The following CLYBL variants were observed in gnomAD, a reference collection of about 807,000 sequenced individuals.
The protein encoded by CLYBL is citramalyl-CoA lyase, also known as citramalyl-CoA lyase, mitochondrial.
In CLYBL, 31 loss-of-function variants were observed where a neutral mutation model predicts 38.9. The observed-to-expected ratio is 0.80, with a 90% CI of 0.60 to 1.08. The LOEUF (loss-of-function observed/expected upper bound fraction) is 1.08. Ranked by LOEUF, CLYBL falls within the 50% of genes least tolerant of loss-of-function variation. The pLI, the probability that CLYBL is intolerant of heterozygous loss-of-function variation, is 0.00. For synonymous variants in CLYBL, 171 were observed against 158.6 expected (o/e 1.08, Z -0.59); for missense variants, 434 against 411.6 (o/e 1.05, Z -0.47).
intron 2 of CLYBL, among the ~76,000 whole-genome samples, chr13:99,786,978 T>C (rs1188910646): frequency 6.6e-6 from 1 of 152,176 alleles, no homozygotes; most frequent in Non-Finnish European, 1.5e-5. Context: ...CATTTTTTCA[T>C]GTGTGTGTTG....
intron 1 of CLYBL, among the ~76,000 whole-genome samples, chr13:99,616,679 G>A (rs1051315439): frequency 6.6e-6 from 1 of 152,176 alleles, no homozygotes; most frequent in Non-Finnish European, 1.5e-5. Flanking sequence ...AATGGGCTGG[G>A]CATTGGTGGC....
chr13:99,824,620 C>T (rs2050658150), intron 2 of CLYBL, among the ~76,000 whole-genome samples: 1 of 152,136 alleles, frequency 6.6e-6, no homozygotes, highest in Non-Finnish European at 1.5e-5. Context: ...TACACACACG[C>T]ACACTCACAC....
At chr13:99,644,094 G>T (rs1002943313) in intron 1 of CLYBL, among the ~76,000 whole-genome samples, 22 of 149,388 alleles carry the variant, frequency 1.5e-4, no homozygotes, top group African/African-American at 5.2e-4. Flanking sequence ...GAAACTTTTG[G>T]TTTTTTATAT....
At chr13:99,658,172 C>G (rs1001900548) in intron 1 of CLYBL, among the ~76,000 whole-genome samples, 3 of 152,256 alleles carry the variant, frequency 2.0e-5, no homozygotes, top group African/African-American at 7.2e-5. Context: ...GCAACCGGCC[C>G]GGTTTCATAA....
intron 3 of CLYBL, among the ~76,000 whole-genome samples, chr13:99,859,318 G>A (rs893536796): frequency 6.6e-6 from 1 of 152,194 alleles, no homozygotes; most frequent in Non-Finnish European, 1.5e-5. Flanking sequence ...CTCCTCAGTA[G>A]CCCTCCCAGA....
chr13:99,632,415 A>G (rs1454525388), intron 1 of CLYBL, among the ~76,000 whole-genome samples: 2 of 152,254 alleles, frequency 1.3e-5, no homozygotes, highest in Non-Finnish European at 2.9e-5. Flanking sequence ...GAATCTCTAT[A>G]ACATATCGAT....
At chr13:99,670,620 C>T (rs1281789347) in intron 1 of CLYBL, among the ~76,000 whole-genome samples, 1 of 152,114 alleles carries the variant, frequency 6.6e-6, no homozygotes, top group East Asian at 1.9e-4. Flanking sequence ...TGAAAGTTTC[C>T]TCAATTACTG....
intron 1 of CLYBL, among the ~76,000 whole-genome samples, chr13:99,687,061 AT>A (rs1433030395): frequency 6.6e-6 from 1 of 152,156 alleles, no homozygotes; most frequent in Non-Finnish European, 1.5e-5. Flanking sequence ...CCTTGCATAG[AT>A]TAGGGCCCGC....
At position 99,805,803 on chromosome 13, in the gene CLYBL, G is replaced by C. The variant is rs536498518; in HGVS notation, c.249+32793G>C. Among the ~76,000 whole-genome samples the C allele has an allele frequency of 1.6e-4, 24 of 152,186 alleles. No homozygotes were observed. The East Asian group carries it at 4.2e-3, about 27-fold the overall frequency. ...GAAGAAATAATTCTGAATCCACCAA[G>C]CTCACACAAAATTCACCTCAGTACT... is the stretch of plus-strand genomic sequence containing the variant. On this transcript the variant is annotated intron_variant, in intron 2 of 8. Transcript: ENST00000339105.
intron 4 of CLYBL, among the ~76,000 whole-genome samples, chr13:99,864,444 T>C (rs919008567): frequency 6.6e-6 from 1 of 152,220 alleles, no homozygotes; most frequent in African/African-American, 2.4e-5. Flanking sequence ...AGTTTGATTT[T>C]AAAATTCCTT....
rs976929983 is a variant in CLYBL at position 99,869,913 on chromosome 13, CTCA to C, written c.803-1020_803-1018del. Among the ~76,000 whole-genome samples, 8 of 152,054 alleles carry C rather than the reference CTCA, an allele frequency of 5.3e-5. No individual in the cohort carries two copies. Among genetic ancestry groups the C allele is most frequent in the South Asian group, 2.1e-4 (1 of 4,826 alleles). Reference sequence around the variant, plus strand: ...TAACTTTATCACGTAACAATATAATCTCATCATTATTATAACATTAAATTATGT... The same window carrying C: ...TAACTTTATCACGTAACAATATAATCTCATTATTATAACATTAAATTATGT... On this transcript the variant is annotated intron_variant, in intron 6 of 8. Transcript: ENST00000339105. This position sits in a 1 kb window ranked among gnomAD's most constrained non-coding sequence, Gnocchi z 4.3.
At chr13:99,883,784 T>A (rs2052278012) in intron 7 of CLYBL, among the ~76,000 whole-genome samples, 1 of 152,038 alleles carries the variant, frequency 6.6e-6, no homozygotes, top group African/African-American at 2.4e-5. Context: ...CCCCTTCCAG[T>A]CCCCACGCCC....
At chr13:99,852,268 T>G (rs901359736) in intron 2 of CLYBL, among the ~76,000 whole-genome samples, 4 of 152,178 alleles carry the variant, frequency 2.6e-5, no homozygotes, top group African/African-American at 9.7e-5. Flanking sequence ...TGAGACAGTC[T>G]TGCTTTGTCA....
downstream of CLYBL, among the ~76,000 whole-genome samples, chr13:99,897,846 C>G (rs928819051): frequency 6.6e-6 from 1 of 152,106 alleles, no homozygotes; most frequent in Non-Finnish European, 1.5e-5. Flanking sequence ...ACCCGAAAGG[C>G]TGAGGCAGGA....
At chr13:99,705,871 C>T (rs980720546) in intron 1 of CLYBL, among the ~76,000 whole-genome samples, 7 of 151,948 alleles carry the variant, frequency 4.6e-5, no homozygotes, top group African/African-American at 1.7e-4. Flanking sequence ...CAAAACTATA[C>T]CTAAAAATGG....
chr13:99,738,897 T>A (rs1200691656), intron 1 of CLYBL, among the ~76,000 whole-genome samples: 1 of 152,142 alleles, frequency 6.6e-6, no homozygotes, highest in East Asian at 1.9e-4. Context: ...CACTCAGCTG[T>A]GACTCTCGTG....
At chr13:99,785,041 C>T (rs1462229937) in intron 2 of CLYBL, among the ~76,000 whole-genome samples, 2 of 151,302 alleles carry the variant, frequency 1.3e-5, no homozygotes, top group African/African-American at 2.4e-5. Context: ...TGCAGATGTG[C>T]ACCACCACAC....
intron 1 of CLYBL, among the ~76,000 whole-genome samples, chr13:99,719,625 G>C (rs1229166648): frequency 1.3e-5 from 2 of 152,064 alleles, no homozygotes; most frequent in Non-Finnish European, 2.9e-5. Flanking sequence ...TCCTGCCTCA[G>C]CCTCCCTAGT....
At chr13:99,846,193 A>G (rs7981210) in intron 2 of CLYBL, among the ~76,000 whole-genome samples, 111 of 152,216 alleles carry the variant, frequency 7.3e-4, no homozygotes, top group African/African-American at 2.6e-3. Context: ...GACTCAGTAT[A>G]TATTTAAGCA....
Sources: gnomAD v4.1 joint callset for allele counts (sites outside exome capture counted in the v4.1 genomes callset) on GRCh38, gnomAD v4.1.1 for gene constraint, Gnocchi (gnomAD v3.1) non-coding constraint, MANE v1.5 for transcripts, NCBI Gene and HGNC (gene_info 2026-07-23, HGNC 2026-07-21) for gene names.